Variants in NPSR1 observed in about 807,000 individuals in gnomAD.
NPSR1 encodes neuropeptide S receptor 1.
NPSR1 carries 48 observed loss-of-function variants against 46.9 expected under a neutral mutation model. The observed-to-expected ratio is 1.02, with a 90% CI of 0.81 to 1.30. The LOEUF (loss-of-function observed/expected upper bound fraction) is 1.30. Ranked by LOEUF, NPSR1 falls within the 50% of genes most tolerant of loss-of-function variation. The pLI, the probability that NPSR1 is intolerant of heterozygous loss-of-function variation, is 0.00. For missense variants in NPSR1, 450 were observed against 449.5 expected (o/e 1.00, Z -0.01); for synonymous variants, 176 against 168.1 (o/e 1.05, Z -0.36).
At chr7:34,766,521 GAACA>G (rs1465357491) in intron 2 of NPSR1, among the ~76,000 whole-genome samples, 13 of 151,430 alleles carry the variant, frequency 8.6e-5, no homozygotes, top group African/African-American at 2.9e-4. Flanking sequence ...TCGGCAATAA[GAACA>G]AACAAATGAT....
chr7:34,821,453 T>C (rs1463728274), intron 4 of NPSR1, among the ~76,000 whole-genome samples: 1 of 152,194 alleles, frequency 6.6e-6, no homozygotes, highest in Non-Finnish European at 1.5e-5. Flanking sequence ...TCCATCTATT[T>C]GTTTATGCCT....
intron 1 of NPSR1, among the ~76,000 whole-genome samples, chr7:34,675,879 T>C (rs1384609258): frequency 6.6e-6 from 1 of 152,230 alleles, no homozygotes; most frequent in Non-Finnish European, 1.5e-5. Context: ...TATTGAAACA[T>C]TTTAAATACA....
At chr7:34,865,411 A>C (rs965306790) in intron 8 of NPSR1, among the ~76,000 whole-genome samples, 11 of 151,648 alleles carry the variant, frequency 7.3e-5, no homozygotes, top group African/African-American at 2.7e-4. Flanking sequence ...CATGAAAAAG[A>C]GGGCGAGGCT....
chr7:34,867,393 C>T lies in NPSR1; in HGVS notation c.1026-10683C>T, dbSNP rs185255905. Among the ~76,000 whole-genome samples, 105 of 151,962 alleles carry T rather than the reference C, an allele frequency of 6.9e-4. 1 individual carries two copies. Among genetic ancestry groups the T allele is most frequent in the Admixed American group, 2.7e-3 (42 of 15,298 alleles). ...TCCTCTCACTTGCTGCCTCTCATTG[C>T]GCCTCCTGTTTCTATCTTCAGTAAA... On this transcript the variant is annotated intron_variant, in intron 8 of 8. Coordinates refer to the NPSR1 transcript ENST00000359791.
intron 1 of NPSR1, among the ~76,000 whole-genome samples, chr7:34,660,444 T>C (rs1256235517): frequency 6.6e-6 from 1 of 152,218 alleles, no homozygotes; most frequent in East Asian, 1.9e-4. Flanking sequence ...ATAGTTCCAA[T>C]GCAAGCCCTT....
At chr7:34,839,765 G>T (rs997179826) in intron 6 of NPSR1, among the ~76,000 whole-genome samples, 1 of 152,122 alleles carries the variant, frequency 6.6e-6, no homozygotes, top group Non-Finnish European at 1.5e-5. Context: ...GGCTGCTAAG[G>T]TACTCCTCAG....
intron 6 of NPSR1, among the ~76,000 whole-genome samples, chr7:34,835,408 G>A (rs1584122060): frequency 6.6e-6 from 1 of 152,200 alleles, no homozygotes; most frequent in African/African-American, 2.4e-5. Context: ...TGTTCCAGAT[G>A]TACCACTAAG....
intron 1 of NPSR1, among the ~76,000 whole-genome samples, chr7:34,673,480 A>G (rs1420464752): frequency 1.3e-5 from 2 of 152,178 alleles, no homozygotes; most frequent in African/African-American, 4.8e-5. Context: ...TCCCTCTGCC[A>G]TACTACATGG....
intron 2 of NPSR1, among the ~76,000 whole-genome samples, chr7:34,687,200 C>T (rs1393424037): frequency 1.3e-5 from 2 of 151,216 alleles, no homozygotes; most frequent in Non-Finnish European, 2.9e-5. Flanking sequence ...TAAAAAAGAA[C>T]CCTGGAACTA....
chr7:34,756,397 G>C (rs1297800480), intron 2 of NPSR1, among the ~76,000 whole-genome samples: 1 of 152,168 alleles, frequency 6.6e-6, no homozygotes, highest in African/African-American at 2.4e-5. Flanking sequence ...CAACCGATCT[G>C]GATCCACCGG....
intron 3 of NPSR1, among the ~76,000 whole-genome samples, chr7:34,785,745 A>G (rs1209618678): frequency 6.6e-6 from 1 of 152,154 alleles, no homozygotes; most frequent in African/African-American, 2.4e-5. Flanking sequence ...AATAAAGCAA[A>G]TTTCACAATA....
chr7:34,765,776 T>C (rs914049409), intron 2 of NPSR1, among the ~76,000 whole-genome samples: 2 of 152,204 alleles, frequency 1.3e-5, no homozygotes, highest in Non-Finnish European at 2.9e-5. Flanking sequence ...TGGAGGCCAT[T>C]ATCCTAAGTG....
At chr7:34,855,463 T>C (rs1009670863) in intron 8 of NPSR1, among the ~76,000 whole-genome samples, 1 of 152,138 alleles carries the variant, frequency 6.6e-6, no homozygotes, top group African/African-American at 2.4e-5. Flanking sequence ...GATATTATGA[T>C]CAAGCTTATG....
intron 3 of NPSR1, among the ~76,000 whole-genome samples, chr7:34,790,860 TTA>T (rs1317701944): frequency 2.2e-5 from 3 of 136,422 alleles, no homozygotes; most frequent in Non-Finnish European, 3.0e-5. Flanking sequence ...ATATGTTATG[TTA>T]TATATGTTAT....
intron 1 of NPSR1, among the ~76,000 whole-genome samples, chr7:34,676,020 T>C (rs1792297357): frequency 6.6e-6 from 1 of 152,040 alleles, no homozygotes; most frequent in Admixed American, 6.6e-5. Flanking sequence ...CAGCACAGTG[T>C]GGTGGGGGGT....
chr7:34,756,406 G>A (rs758185499), intron 2 of NPSR1, among the ~76,000 whole-genome samples: 111 of 152,216 alleles, frequency 7.3e-4, no homozygotes, highest in Non-Finnish European at 1.5e-3. Flanking sequence ...TGGATCCACC[G>A]GCACTTGAGA....
chr7:34,766,539 C>T (rs933142810), intron 2 of NPSR1, among the ~76,000 whole-genome samples: 1 of 152,002 alleles, frequency 6.6e-6, no homozygotes, highest in Non-Finnish European at 1.5e-5. Context: ...AAATGATACA[C>T]ACACCTTAGA....
chr7:34,791,553 TTAAAC>T (rs1228488182), intron 3 of NPSR1, among the ~76,000 whole-genome samples: 1 of 151,550 alleles, frequency 6.6e-6, no homozygotes, highest in Non-Finnish European at 1.5e-5. Context: ...ATGAAAGAAA[TTAAAC>T]TAGGCAAAAA....
At chr7:34,837,509 C>T (rs1278416260) in intron 6 of NPSR1, among the ~76,000 whole-genome samples, 2 of 152,218 alleles carry the variant, frequency 1.3e-5, no homozygotes, top group African/African-American at 2.4e-5. Context: ...TCACCCATGG[C>T]CCATTGCCCA....
Sources: gnomAD v4.1 joint callset for allele counts (sites outside exome capture counted in the v4.1 genomes callset) on GRCh38, gnomAD v4.1.1 for gene constraint, MANE v1.5 for transcripts, NCBI Gene and HGNC (gene_info 2026-07-23, HGNC 2026-07-21) for gene names.